Variants in EFCAB5 observed in about 807,000 individuals in gnomAD.
EFCAB5 encodes EF-hand calcium binding domain 5.
Under a neutral mutation model 167.9 loss-of-function variants are expected in EFCAB5, and 131 were observed. That is an observed-to-expected ratio of 0.78 (90% CI 0.68 to 0.90). The LOEUF is 0.90. Among genes scored for constraint, EFCAB5 ranks in the 40% least tolerant of loss-of-function variants. EFCAB5 has a pLI of 0.00. For missense variants in EFCAB5, 1,663 were observed against 1,745.2 expected (o/e 0.95, Z 0.84); for synonymous variants, 574 against 602.8 (o/e 0.95, Z 0.70).
chr17:30,044,151 C>T (rs757897982), intron 8 of EFCAB5, among the ~76,000 whole-genome samples: 2 of 152,200 alleles, frequency 1.3e-5, no homozygotes, highest in African/African-American at 2.4e-5. Context: ...CCAATAAGCA[C>T]ATCGAAATAG....
intron 3 of EFCAB5, among the ~76,000 whole-genome samples, chr17:29,951,486 C>T (rs539911563): frequency 3.3e-5 from 5 of 151,378 alleles, no homozygotes; most frequent in South Asian, 2.1e-4. Flanking sequence ...CACAGGTGCC[C>T]GCCACCACAC....
rs760738148 is a variant in EFCAB5, at chr17:30,080,836, G to A, written c.3281G>A (p.Arg1094His). ...HGNIFFWNQS[R>H]NKHDYNGSFL... ...AACATCTTCTTCTGGAACCAGTCCCGTAATAAGCATGATTATAATGGTTCA... is the reference window on the plus strand; with the variant it reads ...AACATCTTCTTCTGGAACCAGTCCCATAATAAGCATGATTATAATGGTTCA... The change falls in exon 17 of 23, where the codon CGT (arginine) becomes CAT (histidine). Residue 1094 changes from arginine (R) to histidine (H), a missense_variant. Coordinates refer to ENST00000394835, the MANE Select transcript of EFCAB5 (RefSeq NM_198529.4). The A allele has an allele frequency of 2.3e-5, 37 of 1,613,686 alleles. No individual in the cohort carries two copies. Among genetic ancestry groups the A allele is most frequent in the South Asian group, 7.7e-5 (7 of 91,046 alleles).
At chr17:29,980,193 A>T (rs541721726) in intron 4 of EFCAB5, among the ~76,000 whole-genome samples, 38 of 152,176 alleles carry the variant, frequency 2.5e-4, no homozygotes, top group South Asian at 2.3e-3. Context: ...CAAAACTTAA[A>T]CTTACTGAGG....
At chr17:29,948,994 G>A (rs1347362992) in intron 3 of EFCAB5, among the ~76,000 whole-genome samples, 2 of 152,080 alleles carry the variant, frequency 1.3e-5, no homozygotes, top group African/African-American at 4.8e-5. Flanking sequence ...GGACAAAGCC[G>A]CTGAGTTTCA....
chr17:30,013,172 A>C (rs2068948616), intron 7 of EFCAB5, among the ~76,000 whole-genome samples: 1 of 152,068 alleles, frequency 6.6e-6, no homozygotes, highest in African/African-American at 2.4e-5. Context: ...TTGGTGGATA[A>C]GCTTTTTGAT....
At position 30,053,531 on chromosome 17, in the gene EFCAB5, A is replaced by G. The variant is rs1475126680; in HGVS notation, c.1577A>G (p.Gln526Arg). The G allele has an allele frequency of 6.2e-7, 1 of 1,613,924 alleles. No individual in the cohort carries two copies. The highest frequency in any genetic ancestry group is 2.2e-5 in the East Asian group (1 of 44,882). The change falls in exon 10 of 23, where the codon CAA becomes CGA. Residue 526 changes from glutamine (Q) to arginine (R), a missense_variant. Gln to Arg is a conservative substitution (Grantham distance 43, BLOSUM62 1). Transcript: ENST00000394835. ...CCACAAAGAATTTCAATTGAAGAAC[A>G]ACAACAAGGCAAAAAGCCAACTGCA... ...QGPQRISIEE[Q>R]QQGKKPTAEQ...
intron 3 of EFCAB5, among the ~76,000 whole-genome samples, chr17:29,955,151 C>G (rs915543410): frequency 6.6e-6 from 1 of 152,072 alleles, no homozygotes; most frequent in Non-Finnish European, 1.5e-5. Context: ...TGAGTTAATG[C>G]TGAAATGAGT....
At chr17:30,105,438 C>G (rs573968369) in intron 22 of EFCAB5, among the ~76,000 whole-genome samples, 1 of 152,186 alleles carries the variant, frequency 6.6e-6, no homozygotes, top group East Asian at 1.9e-4. Flanking sequence ...AGTGAGCCCA[C>G]AAGGTGCCAC....
intron 4 of EFCAB5, among the ~76,000 whole-genome samples, chr17:29,975,462 G>A (rs1489899097): frequency 6.6e-6 from 1 of 151,976 alleles, no homozygotes; most frequent in Non-Finnish European, 1.5e-5. Context: ...TCACCATGTT[G>A]GCCAGGCTGG....
chr17:30,039,787 T>C (rs182902767), intron 8 of EFCAB5, among the ~76,000 whole-genome samples: 2 of 152,198 alleles, frequency 1.3e-5, no homozygotes, highest in African/African-American at 4.8e-5. Context: ...TTAGAGCGTT[T>C]CTATGGTTTA....
At chr17:30,005,332 C>A (rs1404252381) in intron 7 of EFCAB5, among the ~76,000 whole-genome samples, 1 of 152,028 alleles carries the variant, frequency 6.6e-6, no homozygotes, top group Non-Finnish European at 1.5e-5. Flanking sequence ...CAGAGCAAGA[C>A]CTTGTCTCAA....
intron 22 of EFCAB5, among the ~76,000 whole-genome samples, chr17:30,098,272 C>T (rs911101545): frequency 6.6e-6 from 1 of 150,948 alleles, no homozygotes; most frequent in African/African-American, 2.4e-5. Flanking sequence ...TGCCTGTAAT[C>T]CCAGCACTTT....
chr17:30,027,924 G>T (rs1161895527), intron 7 of EFCAB5, among the ~76,000 whole-genome samples: 1 of 152,166 alleles, frequency 6.6e-6, no homozygotes, highest in East Asian at 1.9e-4. Flanking sequence ...GCATTCTTCA[G>T]TAGACCTGGG....
intron 1 of EFCAB5, among the ~76,000 whole-genome samples, chr17:29,931,694 C>A (rs2151502851): frequency 6.6e-6 from 1 of 152,152 alleles, no homozygotes; most frequent in South Asian, 2.1e-4. Flanking sequence ...GCATGGGAGA[C>A]CAAAGAGGAA....
intron 4 of EFCAB5, among the ~76,000 whole-genome samples, chr17:29,970,691 C>T (rs2067936219): frequency 6.6e-6 from 1 of 151,438 alleles, no homozygotes; most frequent in Non-Finnish European, 1.5e-5. Flanking sequence ...CACACACACA[C>T]ACCAGAAAAC....
At chr17:29,942,159 C>A in intron 1 of EFCAB5, 81 bp from the exon 2 acceptor site, 1 of 1,199,038 alleles carries the variant, frequency 8.3e-7, no homozygotes, top group Non-Finnish European at 1.2e-6. Flanking sequence ...AAATTAAAAG[C>A]TTACTGTATT....
At chr17:30,077,327 A>G (rs889784176) in intron 14 of EFCAB5, among the ~76,000 whole-genome samples, 2 of 152,122 alleles carry the variant, frequency 1.3e-5, no homozygotes, top group Non-Finnish European at 2.9e-5. Flanking sequence ...TAAATAAAAA[A>G]TGCAAAACGA....
intron 3 of EFCAB5, among the ~76,000 whole-genome samples, chr17:29,964,162 AAACT>A (rs1210373185): frequency 2.4e-4 from 37 of 152,322 alleles, no homozygotes; most frequent in Admixed American, 2.1e-3. Flanking sequence ...GACACAAAAT[AAACT>A]AACTAACACA....
chr17:29,949,115 G>A (rs1478734697), intron 3 of EFCAB5, among the ~76,000 whole-genome samples: 2 of 152,152 alleles, frequency 1.3e-5, no homozygotes, highest in Admixed American at 1.3e-4. Context: ...GCCTCCTTGT[G>A]AAGAAAGAGC....
Sources: allele counts gnomAD v4.1 joint callset (sites outside exome capture counted in the v4.1 genomes callset), GRCh38; gene constraint gnomAD v4.1.1; transcripts MANE v1.5; gene names NCBI Gene and HGNC (gene_info 2026-07-23, HGNC 2026-07-21).